The following TMEM178B variants were observed in gnomAD, a reference collection of about 807,000 sequenced individuals.
TMEM178B encodes the protein transmembrane protein 178B.
A neutral mutation model predicts 31.0 loss-of-function variants in TMEM178B; 5 were observed. The observed-to-expected ratio is 0.16, with a 90% CI of 0.08 to 0.34. The LOEUF is 0.34. Among genes scored for constraint, TMEM178B ranks in the 10% least tolerant of loss-of-function variants. TMEM178B has a pLI of 1.00. For synonymous variants in TMEM178B, 164 were observed against 164.0 expected (o/e 1.00, Z 0.00); for missense variants, 275 against 400.3 (o/e 0.69, Z 2.67).
chr7:141,089,938 AC>A (rs1421844078), intron 1 of TMEM178B, among the ~76,000 whole-genome samples: 2 of 152,088 alleles, frequency 1.3e-5, no homozygotes, highest in Admixed American at 6.6e-5. Flanking sequence ...CAGCACACCA[AC>A]ATGGCATATG....
At chr7:141,280,652 G>A (rs914566826) in intron 2 of TMEM178B, among the ~76,000 whole-genome samples, 1 of 152,178 alleles carries the variant, frequency 6.6e-6, no homozygotes, top group Admixed American at 6.5e-5. Flanking sequence ...GACTAATACA[G>A]CACCACTAAC....
Position 141,472,000 on chromosome 7 carries a change from T to C in TMEM178B, c.*1214T>C, listed in dbSNP as rs1802253938. ...CGATTTAGTCCTCTAATTTTGGAAGTTCAAGACACAGCTGGGCACATAAGC... is the reference window on the plus strand; with the variant it reads ...CGATTTAGTCCTCTAATTTTGGAAGCTCAAGACACAGCTGGGCACATAAGC... On this transcript the variant is annotated 3_prime_UTR_variant, in exon 4 of 4. Coordinates refer to ENST00000565468, the MANE Select transcript of TMEM178B (RefSeq NM_001195278.2). This position sits in a 1 kb window ranked among gnomAD's most constrained non-coding sequence, Gnocchi z 4.1. 6.6e-6 allele frequency: 1 copy of C among 152,116 alleles called. No homozygotes were observed. The highest frequency in any genetic ancestry group is 1.5e-5 in the Non-Finnish European group (1 of 68,076). The allele number at this position is 152,116 out of a possible 1,614,324, so 9.4% of individuals were successfully genotyped here. A position where few individuals can be genotyped will look rare whatever the true frequency, so the allele number is the denominator to read the frequency against.
At chr7:141,437,805 G>A in intron 3 of TMEM178B, 60 bp downstream of exon 3, 1 of 1,531,116 alleles carries the variant, frequency 6.5e-7, no homozygotes, top group Non-Finnish European at 8.7e-7. Context: ...ACCACAATTT[G>A]GGGAGAATGG....
At chr7:141,158,748 A>G (rs1796116928) in intron 1 of TMEM178B, among the ~76,000 whole-genome samples, 1 of 152,080 alleles carries the variant, frequency 6.6e-6, no homozygotes, top group East Asian at 1.9e-4. Flanking sequence ...TGATTGGCCA[A>G]TTCTCAGGCC....
At chr7:141,229,088 ATG>A (rs1179402147) in intron 2 of TMEM178B, among the ~76,000 whole-genome samples, 6 of 87,256 alleles carry the variant, frequency 6.9e-5, no homozygotes, top group African/African-American at 2.6e-4. Context: ...TTGCAAAATG[ATG>A]TGTGTGTGTG....
At chr7:141,260,844 T>G (rs546157330) in intron 2 of TMEM178B, among the ~76,000 whole-genome samples, 54 of 152,338 alleles carry the variant, frequency 3.5e-4, no homozygotes, top group African/African-American at 1.2e-3. Context: ...TTACACTTAC[T>G]GGGGCCACTT....
At chr7:141,184,661 C>T (rs1796580394) in intron 1 of TMEM178B, among the ~76,000 whole-genome samples, 1 of 152,160 alleles carries the variant, frequency 6.6e-6, no homozygotes, top group African/African-American at 2.4e-5. Context: ...TTAAACTTCT[C>T]TTCTCTAGGG....
chr7:141,181,877 GGAGGCTCGCCTCAACCCAAA>G (rs1377988453), intron 1 of TMEM178B, among the ~76,000 whole-genome samples: 3 of 152,156 alleles, frequency 2.0e-5, no homozygotes, highest in Non-Finnish European at 4.4e-5. Flanking sequence ...TGCCCAACTA[GGAGGCTCGCCTCAACCCAAA>G]GAGTCCTGCT....
intron 2 of TMEM178B, among the ~76,000 whole-genome samples, chr7:141,281,793 T>C (rs952173446): frequency 6.6e-6 from 1 of 152,024 alleles, no homozygotes. Context: ...CACGACATTG[T>C]GGAGGTGCAA....
chr7:141,431,819 A>G (rs192026001), intron 2 of TMEM178B, among the ~76,000 whole-genome samples: 18 of 152,308 alleles, frequency 1.2e-4, no homozygotes, highest in Admixed American at 5.9e-4. Flanking sequence ...TGAGTACAAA[A>G]TACTGCTGTG....
intron 1 of TMEM178B, among the ~76,000 whole-genome samples, chr7:141,199,305 C>T (rs1020065039): frequency 6.6e-6 from 1 of 152,182 alleles, no homozygotes; most frequent in Non-Finnish European, 1.5e-5. Context: ...TAGGTTGCTG[C>T]AAAAGTAATT....
At chr7:141,203,515 T>C (rs1471216234) in intron 1 of TMEM178B, among the ~76,000 whole-genome samples, 1 of 152,160 alleles carries the variant, frequency 6.6e-6, no homozygotes, top group East Asian at 1.9e-4. Context: ...TCCTCATCAG[T>C]GGATGTATTG....
chr7:141,349,595 A>T (rs1478245359), intron 2 of TMEM178B, among the ~76,000 whole-genome samples: 1 of 152,218 alleles, frequency 6.6e-6, no homozygotes, highest in Admixed American at 6.5e-5. Flanking sequence ...GGAGACAGAG[A>T]AGCAATAAAC....
chr7:141,208,015 C>A (rs1324363018), intron 1 of TMEM178B, among the ~76,000 whole-genome samples: 3 of 147,774 alleles, frequency 2.0e-5, no homozygotes, highest in Admixed American at 1.3e-4. Flanking sequence ...TATAGTGAGA[C>A]CCCCATCTCT....
At chr7:141,164,140 C>G (rs1311451310) in intron 1 of TMEM178B, among the ~76,000 whole-genome samples, 1 of 152,114 alleles carries the variant, frequency 6.6e-6, no homozygotes, top group Non-Finnish European at 1.5e-5. Flanking sequence ...TGTACAACAC[C>G]CTTTTAATGA....
chr7:141,181,847 A>G (rs1796534965), intron 1 of TMEM178B, among the ~76,000 whole-genome samples: 1 of 152,168 alleles, frequency 6.6e-6, no homozygotes, highest in African/African-American at 2.4e-5. Context: ...CACTTTCTTT[A>G]GAATTATGGT....
intron 2 of TMEM178B, among the ~76,000 whole-genome samples, chr7:141,393,480 AAAG>A (rs1342213978): frequency 6.6e-6 from 1 of 152,210 alleles, no homozygotes; most frequent in Non-Finnish European, 1.5e-5. Flanking sequence ...GACTTCCAGG[AAAG>A]AAGGAGGCAT....
At chr7:141,421,005 A>G (rs117177411) in intron 2 of TMEM178B, among the ~76,000 whole-genome samples, 4 of 152,334 alleles carry the variant, frequency 2.6e-5, no homozygotes, top group South Asian at 2.1e-4. Context: ...ACCTGCTTCT[A>G]TAAAGTAAGA....
intron 2 of TMEM178B, among the ~76,000 whole-genome samples, chr7:141,317,361 T>G (rs10244120): frequency 0.17 from 25,738 of 152,198 alleles, 2,525 homozygotes; most frequent in Middle Eastern, 0.23. Flanking sequence ...AAGGCCCTTT[T>G]TGGTTATAAT....
Sources: allele counts gnomAD v4.1 joint callset (sites outside exome capture counted in the v4.1 genomes callset), GRCh38; gene constraint gnomAD v4.1.1; non-coding constraint Gnocchi (gnomAD v3.1); transcripts MANE v1.5; gene names NCBI Gene and HGNC (gene_info 2026-07-23, HGNC 2026-07-21).